The following FNIP1 variants were observed in gnomAD, a reference collection of about 807,000 sequenced individuals.
FNIP1 encodes the protein folliculin-interacting protein 1.
Under a neutral mutation model 124.5 loss-of-function variants are expected in FNIP1, and 40 were observed. The ratio of observed to expected loss-of-function variants is 0.32; its 90% CI spans 0.25 to 0.42. FNIP1 has a LOEUF of 0.42. Ranked by LOEUF, FNIP1 falls within the 10% of genes least tolerant of loss-of-function variation. FNIP1 has a pLI of 1.00. For synonymous variants in FNIP1, 472 were observed against 470.6 expected (o/e 1.00, Z -0.04); for missense variants, 1,176 against 1,403.7 (o/e 0.84, Z 2.59).
chr5:131,718,489 G>C (rs1029727090), intron 5 of FNIP1, among the ~76,000 whole-genome samples: 1 of 152,208 alleles, frequency 6.6e-6, no homozygotes, highest in African/African-American at 2.4e-5. Flanking sequence ...CATGGCCCAT[G>C]ATCCTGACAC....
In FNIP1 at chr5:131,698,207, G is replaced by A. The variant is rs32101; in HGVS notation, c.1202+710C>T. 4.6e-5 allele frequency among the ~76,000 whole-genome samples: 7 copies of A among 152,048 alleles called. No individual in the cohort carries two copies. The East Asian group carries it at 5.8e-4, about 13-fold the overall frequency. On this transcript the variant is annotated intron_variant, in intron 11 of 17. Transcript: ENST00000510461. ...TGACAGAGCCAGGGTTAAAATCCAC[G>A]TCTGTCTGACAGATTCTAGAGTCTT...
chr5:131,677,580 G>A, intron 13 of FNIP1, 123 bp downstream of exon 13: 1 of 893,828 alleles, frequency 1.1e-6, no homozygotes. Flanking sequence ...GACAAGCAAA[G>A]CAGAGATGCT....
At chr5:131,737,754 A>G (rs1341580049) in intron 2 of FNIP1, among the ~76,000 whole-genome samples, 1 of 152,176 alleles carries the variant, frequency 6.6e-6, no homozygotes, top group Non-Finnish European at 1.5e-5. Flanking sequence ...TATTAGACAT[A>G]CTTGGAATAC....
At chr5:131,772,876 A>T (rs1260373764) in intron 1 of FNIP1, among the ~76,000 whole-genome samples, 1 of 152,156 alleles carries the variant, frequency 6.6e-6, no homozygotes. Flanking sequence ...TCATGACATC[A>T]ACTGAGATAA....
At chr5:131,736,794 T>C (rs765414208) in intron 2 of FNIP1, among the ~76,000 whole-genome samples, 8 of 152,224 alleles carry the variant, frequency 5.3e-5, no homozygotes, top group Admixed American at 2.0e-4. Context: ...CTATAATATA[T>C]CAATGATTTC....
At chr5:131,787,282 T>C (rs1458568808) in intron 1 of FNIP1, among the ~76,000 whole-genome samples, 1 of 152,146 alleles carries the variant, frequency 6.6e-6, no homozygotes, top group Non-Finnish European at 1.5e-5. Flanking sequence ...TGGTATGAGA[T>C]AACAGATCAA....
chr5:131,750,373 C>T (rs1770830806), intron 1 of FNIP1, among the ~76,000 whole-genome samples: 1 of 151,812 alleles, frequency 6.6e-6, no homozygotes, highest in Admixed American at 6.6e-5. Flanking sequence ...GGGCAGGATC[C>T]TAGAGTTTAA....
chr5:131,704,109 G>C lies in FNIP1; in HGVS notation c.1072C>G (p.Leu358Val). 1 of 1,612,568 alleles carries C rather than the reference G, an allele frequency of 6.2e-7. No homozygotes were observed. Among genetic ancestry groups the C allele is most frequent in the Non-Finnish European group, 8.5e-7 (1 of 1,178,852 alleles). The change falls in exon 10 of 18, where the codon CTC becomes GTC. Residue 358 changes from leucine (L) to valine (V), a missense_variant. By Grantham distance (32) the Leu-to-Val change is conservative. Coordinates refer to ENST00000510461, the MANE Select transcript of FNIP1 (RefSeq NM_133372.3). ...FNEFFFSHFP[L>V]FESHMNKLKS... is the part of the protein sequence containing the mutation. The stretch of plus-strand genomic sequence containing the variant: ...AATTTGTTCATGTGGCTTTCAAAGA[G>C]AGGAAAATGTGAAAAAAAGAATTCA...
chr5:131,692,475 T>C (rs377698254), intron 11 of FNIP1, among the ~76,000 whole-genome samples: 1 of 152,286 alleles, frequency 6.6e-6, no homozygotes, highest in African/African-American at 2.4e-5. Context: ...ACGTCAATTC[T>C]TCCCAAGTTG....
At chr5:131,727,352 C>G (rs1769915510) in intron 3 of FNIP1, among the ~76,000 whole-genome samples, 1 of 152,082 alleles carries the variant, frequency 6.6e-6, no homozygotes, top group South Asian at 2.1e-4. Flanking sequence ...TGCATATATA[C>G]TTACAATAGT....
chr5:131,691,793 C>T (rs149026141), intron 11 of FNIP1, among the ~76,000 whole-genome samples: 2 of 152,252 alleles, frequency 1.3e-5, no homozygotes, highest in Admixed American at 1.3e-4. Flanking sequence ...CTTGAATAGC[C>T]TATGTCTACT....
At chr5:131,730,830 C>G (rs749568847) in intron 3 of FNIP1, 74 bp downstream of exon 3, 1 of 1,232,310 alleles carries the variant, frequency 8.1e-7, no homozygotes, top group Non-Finnish European at 1.1e-6. Context: ...GCTATTATAT[C>G]TCCACAGTCC....
chr5:131,697,968 CAAAAAAAAAA>C (rs753487190), intron 11 of FNIP1, among the ~76,000 whole-genome samples: 9 of 58,772 alleles, frequency 1.5e-4, no homozygotes, highest in Admixed American at 1.2e-3. Flanking sequence ...GACTCCACCT[CAAAAAAAAAA>C]AAAAAAAAAA....
chr5:131,725,225 T>C (rs1769819575), intron 3 of FNIP1, among the ~76,000 whole-genome samples: 2 of 152,194 alleles, frequency 1.3e-5, no homozygotes, highest in African/African-American at 4.8e-5. Context: ...TAGTTTTTTC[T>C]AATTCTGTGA....
intron 13 of FNIP1, among the ~76,000 whole-genome samples, chr5:131,673,468 A>G (rs1189111709): frequency 6.6e-6 from 1 of 152,182 alleles, no homozygotes; most frequent in African/African-American, 2.4e-5. Flanking sequence ...CTCTTTAAAC[A>G]AATGCTATGG....
chr5:131,688,933 G>A (rs1331286343), intron 11 of FNIP1, among the ~76,000 whole-genome samples: 1 of 151,580 alleles, frequency 6.6e-6, no homozygotes, highest in Non-Finnish European at 1.5e-5. Context: ...ATGAATAATA[G>A]CTTCGAATTA....
At chr5:131,711,802 A>C (rs778690031) in intron 6 of FNIP1, among the ~76,000 whole-genome samples, 6 of 152,216 alleles carry the variant, frequency 3.9e-5, no homozygotes, top group Non-Finnish European at 8.8e-5. Flanking sequence ...AGCCAACTGT[A>C]GTTTTCAAAT....
chr5:131,790,354 T>A (rs1001555485), intron 1 of FNIP1, among the ~76,000 whole-genome samples: 2 of 151,914 alleles, frequency 1.3e-5, no homozygotes, highest in African/African-American at 4.8e-5. Context: ...GGCCCACACC[T>A]TGCAGTCCCA....
At chr5:131,662,100 G>A (rs1767458758) in intron 15 of FNIP1, among the ~76,000 whole-genome samples, 1 of 152,202 alleles carries the variant, frequency 6.6e-6, no homozygotes, top group East Asian at 1.9e-4. Flanking sequence ...CACCCAATCC[G>A]AAAGGGCTGG....
Sources: allele counts gnomAD v4.1 joint callset (sites outside exome capture counted in the v4.1 genomes callset), GRCh38; gene constraint gnomAD v4.1.1; transcripts MANE v1.5; gene names NCBI Gene and HGNC (gene_info 2026-07-23, HGNC 2026-07-21).